Variants in CYB5RL observed in about 807,000 individuals in gnomAD.
CYB5RL encodes NADH-cytochrome b5 reductase-like.
A neutral mutation model predicts 37.5 loss-of-function variants in CYB5RL; 38 were observed. The ratio of observed to expected loss-of-function variants is 1.01; its 90% CI spans 0.78 to 1.33. The LOEUF is 1.33. Ranked by LOEUF, CYB5RL falls within the 40% of genes most tolerant of loss-of-function variation. The probability of loss-of-function intolerance (pLI) is 0.00; values close to 1 mark genes in which losing one functional copy is unlikely to be tolerated. For missense variants in CYB5RL, 388 were observed against 394.4 expected, an observed-to-expected ratio of 0.98 and a Z score of 0.14; for synonymous variants, 141 against 151.9, an observed-to-expected ratio of 0.93 and a Z score of 0.53.
rs372048908 is a variant in CYB5RL at position 54,179,174 on chromosome 1, A to G, written c.719T>C (p.Val240Ala). Reference sequence around the variant, plus strand: ...CTGGCTGAGTACAAAGAAGGTACGGACATTCCAGAAACGGGCCTGCTCTTG... The same window carrying G: ...CTGGCTGAGTACAAAGAAGGTACGGGCATTCCAGAAACGGGCCTGCTCTTG... ...FLQEQARFWN[V>A]RTFFVLSQES... The change falls in exon 7 of 8, where the codon GTC (valine) becomes GCC (alanine). Residue 240 changes from valine to alanine, a missense_variant. Coordinates refer to ENST00000534324, the MANE Select transcript of CYB5RL (RefSeq NM_001031672.4). The G allele has an allele frequency of 6.2e-7, 1 of 1,613,214 alleles. No individual in the cohort carries two copies. Among genetic ancestry groups the G allele is most frequent in the African/African-American group, 1.3e-5 (1 of 74,926 alleles).
In CYB5RL at chr1:54,171,283, G is replaced by T. The variant is rs1330039441; in HGVS notation, c.*3336C>A. 1 of 456,408 alleles carries T rather than the reference G, an allele frequency of 2.2e-6. No homozygotes were observed. Among genetic ancestry groups the T allele is most frequent in the Admixed American group, 2.3e-5 (1 of 42,572 alleles). The allele number at this position is 456,408 out of a possible 1,614,324, so 28.3% of individuals were successfully genotyped here. On this transcript the variant is annotated 3_prime_UTR_variant, in exon 8 of 8. Transcript: ENST00000534324. ...AGAACATGTTTGGAGCCTGAGAGGT[G>T]GGTGTGAGTGGGCGGTGGCATACAA...
intron 7 of CYB5RL, among the ~76,000 whole-genome samples, chr1:54,176,694 C>A (rs1051926881): frequency 6.6e-6 from 1 of 152,214 alleles, no homozygotes; most frequent in Non-Finnish European, 1.5e-5. Flanking sequence ...TTCCACTGCT[C>A]ATTTCCCTCA....
intron 1 of CYB5RL, among the ~76,000 whole-genome samples, chr1:54,199,687 G>A (rs1015585931): frequency 6.6e-6 from 1 of 152,196 alleles, no homozygotes; most frequent in East Asian, 1.9e-4. Context: ...GAGGAAAGTG[G>A]CTCGCTTTTG....
At chr1:54,185,166 T>C (rs1660259997) in intron 5 of CYB5RL, 1 of 152,234 alleles carries the variant, frequency 6.6e-6, no homozygotes, top group Non-Finnish European at 1.5e-5. Flanking sequence ...GACCTAAGTC[T>C]CAGACATATA....
chr1:54,174,719 T>A lies in CYB5RL; in HGVS notation c.848A>T (p.Lys283Met), dbSNP rs769265229. The A allele has an allele frequency of 3.1e-6, 5 of 1,613,894 alleles. No individual in the cohort carries two copies. The African/African-American group carries it at 6.7e-5, about 22-fold the overall frequency. The change falls in exon 8 of 8, where the codon AAG (lysine) becomes ATG (methionine). Residue 283 changes from lysine (K) to methionine (M), a missense_variant. By Grantham distance (95) the Lys-to-Met change is moderately conservative. Transcript: ENST00000534324. ...IKELVSCCRR[K>M]PFALVCGSAE... is the part of the protein sequence containing the mutation. ...CGAGCCACAGACCAGTGCGAATGGC[T>A]TTCTCCGACAGCAGCTGACCAGCTC... is the stretch of plus-strand genomic sequence containing the variant.
Position 54,199,988 on chromosome 1 carries a change from G to C in CYB5RL, c.-235C>G. On this transcript the variant is annotated 5_prime_UTR_variant, in exon 1 of 8. Transcript: ENST00000534324. ...CACGACCACTCACCTACTCGCCTGC[G>C]CTTCACCTCACGTGAGGATTTTCCA... 2 of 515,782 alleles carry C rather than the reference G, an allele frequency of 3.9e-6. No homozygotes were observed. Among genetic ancestry groups the C allele is most frequent in the Middle Eastern group, 5.0e-4 (1 of 1,994 alleles). 32.0% of individuals were successfully genotyped at this position (515,782 alleles called of 1,614,324 possible).
At chr1:54,198,582 C>T (rs547369226) in intron 1 of CYB5RL, among the ~76,000 whole-genome samples, 25 of 149,512 alleles carry the variant, frequency 1.7e-4, no homozygotes, top group Admixed American at 7.4e-4. Flanking sequence ...CCACCTGCCT[C>T]GGCCTCCCAA....
chr1:54,175,544 A>AT, intron 7 of CYB5RL: 1 of 320,722 alleles, frequency 3.1e-6, no homozygotes, highest in South Asian at 2.5e-5. Flanking sequence ...AATTTCTTCT[A>AT]TTTTTTTAAA....
chr1:54,194,653 A>G (rs1048806512), intron 3 of CYB5RL, among the ~76,000 whole-genome samples: 6 of 150,086 alleles, frequency 4.0e-5, no homozygotes, highest in Non-Finnish European at 7.4e-5. Context: ...TACAAAAAAG[A>G]AAAAAAAAAG....
At chr1:54,189,468 G>A (rs1486476038) in intron 4 of CYB5RL, among the ~76,000 whole-genome samples, 1 of 152,124 alleles carries the variant, frequency 6.6e-6, no homozygotes, top group Non-Finnish European at 1.5e-5. Context: ...GGGGTGGGTT[G>A]GCAAAGGGAG....
chr1:54,180,879 A>G (rs1426946700), intron 6 of CYB5RL, among the ~76,000 whole-genome samples: 2 of 152,074 alleles, frequency 1.3e-5, no homozygotes, highest in African/African-American at 4.8e-5. Context: ...TTGGCTGGGT[A>G]TGGTGGCTCA....
intron 6 of CYB5RL, 113 bp downstream of exon 6, chr1:54,184,048 A>C: frequency 1.3e-6 from 1 of 775,280 alleles, no homozygotes; most frequent in East Asian, 2.8e-5. Context: ...CCAAGGATAC[A>C]CCTGGGATTG....
chr1:54,179,975 G>C (rs983593838), intron 6 of CYB5RL: 1 of 453,994 alleles, frequency 2.2e-6, no homozygotes. Context: ...GCCAGGAGTG[G>C]TGGCTCACAC....
Position 54,195,500 on chromosome 1 carries a change from G to C in CYB5RL, c.117C>G (p.Asp39Glu). Residue 39 changes from aspartate (D) to glutamate (E), a missense_variant, in exon 3 of 8, where the codon GAC becomes GAG. Transcript: ENST00000534324. ...ACCTTGCCAGATCTCGGTGATAGAG[G>C]TCAAACACACAGGGTGAGCAGCCAC... ...CGSGCSPCVF[D>E]LYHRDLARWE... 1 of 1,613,498 alleles carries C rather than the reference G, an allele frequency of 6.2e-7. No individual in the cohort carries two copies. Among genetic ancestry groups the C allele is most frequent in the Non-Finnish European group, 8.5e-7 (1 of 1,179,696 alleles).
At chr1:54,192,826 GCTCAATGCAACCTCCAC>G (rs747308348) in intron 3 of CYB5RL, among the ~76,000 whole-genome samples, 3 of 151,874 alleles carry the variant, frequency 2.0e-5, no homozygotes, top group African/African-American at 4.8e-5. Context: ...TACAATTTGG[GCTCAATGCAACCTCCAC>G]CTCCTGGTTC....
Position 54,170,739 on chromosome 1 carries a change from T to A in CYB5RL, c.*3880A>T, listed in dbSNP as rs1659872601. 4.2e-6 allele frequency: 1 copy of A among 239,232 alleles called. No homozygotes were observed. Among genetic ancestry groups the A allele is most frequent in the Admixed American group, 4.9e-5 (1 of 20,600 alleles). 14.8% of individuals were successfully genotyped at this position (239,232 alleles called of 1,614,324 possible). A position where few individuals can be genotyped will look rare whatever the true frequency, so the allele number is the denominator to read the frequency against. ...TAACAATCTTTATACACATCTCTGG[T>A]TGCACTCATGTGTCACACACAACCT... On this transcript the variant is annotated 3_prime_UTR_variant, in exon 8 of 8. Coordinates refer to ENST00000534324, the MANE Select transcript of CYB5RL (RefSeq NM_001031672.4).
intron 4 of CYB5RL, among the ~76,000 whole-genome samples, chr1:54,190,108 C>G (rs1448102825): frequency 6.6e-6 from 1 of 152,124 alleles, no homozygotes; most frequent in African/African-American, 2.4e-5. Context: ...ACAGCTCTAC[C>G]TGGACATCCC....
chr1:54,179,044 G>A, intron 7 of CYB5RL, 105 bp downstream of exon 7: 1 of 1,336,460 alleles, frequency 7.5e-7, no homozygotes, highest in Non-Finnish European at 1.0e-6. Context: ...CAGGGATTAT[G>A]ACCACAGCAT....
intron 7 of CYB5RL, among the ~76,000 whole-genome samples, chr1:54,175,362 C>T (rs1463445666): frequency 6.6e-6 from 1 of 152,226 alleles, no homozygotes; most frequent in Non-Finnish European, 1.5e-5. Flanking sequence ...TGGCTGCATA[C>T]AGCACAGATC....
Sources: allele counts gnomAD v4.1 joint callset (sites outside exome capture counted in the v4.1 genomes callset), GRCh38; gene constraint gnomAD v4.1.1; transcripts MANE v1.5; gene names NCBI Gene and HGNC (gene_info 2026-07-23, HGNC 2026-07-21).